The following SULT2B1 variants were observed in gnomAD, a reference collection of about 807,000 sequenced individuals.
SULT2B1 encodes sulfotransferase family 2B member 1.
A neutral mutation model predicts 33.2 loss-of-function variants in SULT2B1; 16 were observed. The ratio of observed to expected loss-of-function variants is 0.48; its 90% CI spans 0.33 to 0.73. The LOEUF (loss-of-function observed/expected upper bound fraction) is 0.73. Ranked by LOEUF, SULT2B1 falls within the 30% of genes least tolerant of loss-of-function variation. The pLI, the probability that SULT2B1 is intolerant of heterozygous loss-of-function variation, is 0.02. For missense variants in SULT2B1, 500 were observed against 506.0 expected, an observed-to-expected ratio of 0.99 and a Z score of 0.11; for synonymous variants, 186 against 200.5, an observed-to-expected ratio of 0.93 and a Z score of 0.61.
At chr19:48,572,041 G>A (rs1165905615) in intron 1 of SULT2B1, among the ~76,000 whole-genome samples, 2 of 152,154 alleles carry the variant, frequency 1.3e-5, no homozygotes, top group Non-Finnish European at 2.9e-5. Flanking sequence ...GGTTCTGGGA[G>A]AAGTCTAGGA....
chr19:48,581,088 G>A (rs899272272), intron 2 of SULT2B1, among the ~76,000 whole-genome samples: 3 of 132,332 alleles, frequency 2.3e-5, no homozygotes, highest in Non-Finnish European at 3.1e-5. Context: ...CCAGGCTGGA[G>A]TGCAATGGCG....
chr19:48,592,548 G>T (rs59705399), intron 4 of SULT2B1, among the ~76,000 whole-genome samples, 174 bp from the exon 5 acceptor site: 1 of 152,120 alleles, frequency 6.6e-6, no homozygotes, highest in Non-Finnish European at 1.5e-5. Context: ...GGGAGAAGCA[G>T]GTTGGAAGAG....
rs540874916 is a variant in SULT2B1 at position 48,555,906 on chromosome 19, A to AT, written c.71+3589dup. On this transcript the variant is annotated intron_variant, in intron 1 of 6. Transcript: ENST00000201586. ...AGGCACACTCTACCATGCCCGGCTA[A>AT]TTTTTTGTATTTTAGTAGAAACGGG... is the stretch of plus-strand genomic sequence containing the variant. Among the ~76,000 whole-genome samples, 824 of 152,010 alleles carry AT rather than the reference A, an allele frequency of 5.4e-3. 6 individuals carry two copies. Among genetic ancestry groups the AT allele is most frequent in the African/African-American group, 0.018 (742 of 41,464 alleles).
chr19:48,561,758 T>C (rs928555667), intron 1 of SULT2B1, among the ~76,000 whole-genome samples: 3 of 152,118 alleles, frequency 2.0e-5, no homozygotes, highest in Non-Finnish European at 2.9e-5. Context: ...CTAACGTGTG[T>C]TCCCCATCAG....
At chr19:48,585,048 C>CAAAAAAAAAAAAAA (rs57540837) in intron 2 of SULT2B1, among the ~76,000 whole-genome samples, 16 of 62,224 alleles carry the variant, frequency 2.6e-4, no homozygotes, top group African/African-American at 9.3e-4. Context: ...GACTCCTTCT[C>CAAAAAAAAAAAAAA]AAAAAAAAAA....
At chr19:48,564,796 T>C (rs909352132) in intron 1 of SULT2B1, among the ~76,000 whole-genome samples, 3 of 151,942 alleles carry the variant, frequency 2.0e-5, no homozygotes, top group Non-Finnish European at 4.4e-5. Context: ...GGGTTTGTTG[T>C]TGTTGTTGTT....
chr19:48,560,385 T>G (rs1327633102), intron 1 of SULT2B1, among the ~76,000 whole-genome samples: 1 of 151,894 alleles, frequency 6.6e-6, no homozygotes, highest in Non-Finnish European at 1.5e-5. Context: ...ATGGGAAAAC[T>G]GAGGCCCCAC....
chr19:48,587,482 G>T (rs777499732), intron 3 of SULT2B1, 45 bp downstream of exon 3: 1 of 1,599,836 alleles, frequency 6.3e-7, no homozygotes, highest in African/African-American at 1.3e-5. Flanking sequence ...CTGCATGGGT[G>T]TATGGGGTAA....
At chr19:48,584,710 G>A (rs1014453811) in intron 2 of SULT2B1, among the ~76,000 whole-genome samples, 1 of 151,980 alleles carries the variant, frequency 6.6e-6, no homozygotes, top group African/African-American at 2.4e-5. Flanking sequence ...CTCCAGACCA[G>A]CCTGGGCAAC....
At chr19:48,561,999 C>T (rs1195361210) in intron 1 of SULT2B1, among the ~76,000 whole-genome samples, 1 of 152,100 alleles carries the variant, frequency 6.6e-6, no homozygotes, top group East Asian at 1.9e-4. Flanking sequence ...CCTGCAATCC[C>T]AGAACTTTGG....
chr19:48,576,794 C>T (rs1287561081), intron 2 of SULT2B1, among the ~76,000 whole-genome samples: 2 of 151,534 alleles, frequency 1.3e-5, no homozygotes, highest in Non-Finnish European at 2.9e-5. Context: ...GTGTGCACCA[C>T]CATGCCTGGC....
intron 1 of SULT2B1, among the ~76,000 whole-genome samples, chr19:48,568,834 G>GC (rs1176151001): frequency 1.3e-5 from 2 of 151,962 alleles, no homozygotes; most frequent in Admixed American, 6.6e-5. Flanking sequence ...GCCGCTCAGG[G>GC]CCCCCCAGCT....
intron 1 of SULT2B1, among the ~76,000 whole-genome samples, chr19:48,561,165 C>T (rs1284623418): frequency 6.6e-6 from 1 of 151,348 alleles, no homozygotes; most frequent in Non-Finnish European, 1.5e-5. Flanking sequence ...TGTGGTGGCT[C>T]ATGCCTGTAA....
chr19:48,554,587 C>G (rs554977466), intron 1 of SULT2B1, among the ~76,000 whole-genome samples: 1 of 147,624 alleles, frequency 6.8e-6, no homozygotes, highest in African/African-American at 2.5e-5. Context: ...CAGTGAATTC[C>G]TCAGCGCCCA....
chr19:48,573,307 G>T (rs981262469), intron 1 of SULT2B1, among the ~76,000 whole-genome samples: 1 of 152,124 alleles, frequency 6.6e-6, no homozygotes, highest in East Asian at 1.9e-4. Flanking sequence ...CTGGCCTCTC[G>T]CTGGCTTAAT....
chr19:48,582,001 T>C (rs1973497274), intron 2 of SULT2B1, among the ~76,000 whole-genome samples: 1 of 151,432 alleles, frequency 6.6e-6, no homozygotes, highest in Admixed American at 6.6e-5. Flanking sequence ...GCCTCCTGGG[T>C]TCAAGCGATT....
intron 1 of SULT2B1, among the ~76,000 whole-genome samples, chr19:48,575,100 C>CT (rs66515808): frequency 0.12 from 9,989 of 81,452 alleles, 1,609 homozygotes; most frequent in Non-Finnish European, 0.16. Flanking sequence ...CTGTTTTAAC[C>CT]TTTTTTTTTT....
chr19:48,587,182 CT>C, intron 2 of SULT2B1, 46 bp from the exon 3 acceptor site: 2 of 1,399,058 alleles, frequency 1.4e-6, no homozygotes, highest in East Asian at 2.3e-5. Flanking sequence ...ATATCTCCCT[CT>C]TCAGCCCTCC....
At chr19:48,564,316 G>A (rs1009347366) in intron 1 of SULT2B1, among the ~76,000 whole-genome samples, 2 of 151,750 alleles carry the variant, frequency 1.3e-5, no homozygotes, top group Non-Finnish European at 2.9e-5. Context: ...CACTTTGGGA[G>A]GCCGAGGCGG....
Sources: allele counts gnomAD v4.1 joint callset (sites outside exome capture counted in the v4.1 genomes callset), GRCh38; gene constraint gnomAD v4.1.1; transcripts MANE v1.5; gene names NCBI Gene and HGNC (gene_info 2026-07-23, HGNC 2026-07-21).